ASIC2: variants seen among roughly 807,000 people sequenced by gnomAD.
ASIC2 encodes acid sensing ion channel subunit 2, also known as acid-sensing ion channel 2.
In ASIC2, 25 loss-of-function variants were observed where a neutral mutation model predicts 57.3. The ratio of observed to expected loss-of-function variants is 0.44; its 90% confidence interval spans 0.32 to 0.61. The LOEUF (loss-of-function observed/expected upper bound fraction) is 0.61, where lower values mean the gene tolerates loss of function less well. Ranked by LOEUF, ASIC2 falls within the 20% of genes least tolerant of loss-of-function variation. ASIC2 has a pLI of 0.06. For missense variants in ASIC2, 641 were observed against 738.1 expected, an observed-to-expected ratio of 0.87 and a Z score of 1.52; for synonymous variants, 319 against 307.5, an observed-to-expected ratio of 1.04 and a Z score of -0.39.
intron 1 of ASIC2, among the ~76,000 whole-genome samples, chr17:33,639,632 G>A (rs1302351010): frequency 1.3e-5 from 2 of 151,938 alleles, no homozygotes; most frequent in African/African-American, 4.8e-5. Flanking sequence ...CTGCACCCAT[G>A]TTTCTTCCCA....
chr17:33,640,209 AAGAG>A (rs1157950554), intron 1 of ASIC2, among the ~76,000 whole-genome samples: 4 of 152,046 alleles, frequency 2.6e-5, no homozygotes, highest in Admixed American at 2.6e-4. Context: ...AGAGGCGGGA[AAGAG>A]AGAGAGGAGA....
chr17:33,432,318 C>T (rs1443522215), intron 1 of ASIC2, among the ~76,000 whole-genome samples: 1 of 152,136 alleles, frequency 6.6e-6, no homozygotes, highest in Admixed American at 6.5e-5. Context: ...GATTTCGAGA[C>T]CAGCCTTGGG....
chr17:33,275,573 T>G (rs1001686710), intron 1 of ASIC2, among the ~76,000 whole-genome samples: 1 of 152,204 alleles, frequency 6.6e-6, no homozygotes, highest in Admixed American at 6.5e-5. Flanking sequence ...CTTGCTAGGT[T>G]TGTGACCTTG....
At chr17:33,294,331 G>A (rs182019063), upstream of ASIC2, among the ~76,000 whole-genome samples, 163 of 152,302 alleles carry the variant, frequency 1.1e-3, no homozygotes, top group Non-Finnish European at 1.6e-3. Context: ...TTTGGGGAGA[G>A]GAGGCTTGGG....
chr17:33,747,180 C>T (rs1910293068), intron 1 of ASIC2, among the ~76,000 whole-genome samples: 1 of 150,668 alleles, frequency 6.6e-6, no homozygotes, highest in South Asian at 2.1e-4. Context: ...CTCTGCTCTC[C>T]TGCAGGGCAC....
At chr17:33,975,913 C>A (rs1257124538) in intron 1 of ASIC2, among the ~76,000 whole-genome samples, 2 of 152,030 alleles carry the variant, frequency 1.3e-5, no homozygotes, top group Non-Finnish European at 2.9e-5. Context: ...TTTTACGGTA[C>A]CATGTTGAAG....
chr17:33,114,404 G>A (rs555366936), intron 1 of ASIC2, among the ~76,000 whole-genome samples: 1 of 152,300 alleles, frequency 6.6e-6, no homozygotes, highest in African/African-American at 2.4e-5. Flanking sequence ...ATTCTGGGGT[G>A]CTCCAATAGA....
chr17:33,131,124 C>G (rs113712955), intron 1 of ASIC2, among the ~76,000 whole-genome samples: 173 of 152,200 alleles, frequency 1.1e-3, no homozygotes, highest in African/African-American at 4.0e-3. Flanking sequence ...AAAGGGGAGA[C>G]GAGCCCATGC....
intron 1 of ASIC2, among the ~76,000 whole-genome samples, chr17:33,192,553 C>G (rs978615420): frequency 6.6e-6 from 1 of 152,208 alleles, no homozygotes; most frequent in East Asian, 1.9e-4. Context: ...AGGCAGGGAG[C>G]AAGGAGGTGT....
At chr17:33,767,087 C>G (rs928726624) in intron 1 of ASIC2, among the ~76,000 whole-genome samples, 1 of 152,214 alleles carries the variant, frequency 6.6e-6, no homozygotes, top group Admixed American at 6.5e-5. Flanking sequence ...TCAGTGTGTG[C>G]GATTCAGTGC....
intron 1 of ASIC2, among the ~76,000 whole-genome samples, chr17:33,338,006 G>A (rs559111399): frequency 6.7e-6 from 1 of 150,022 alleles, no homozygotes; most frequent in East Asian, 2.0e-4. Context: ...GGGCAAAGAA[G>A]GTGGAAGTGT....
intron 1 of ASIC2, among the ~76,000 whole-genome samples, chr17:33,554,151 T>C (rs1915834584): frequency 1.3e-5 from 2 of 152,260 alleles, no homozygotes; most frequent in Non-Finnish European, 2.9e-5. Flanking sequence ...GTGATGTTTT[T>C]AACTGCCTTG....
In ASIC2 at chr17:33,854,835, C is replaced by T. The variant is rs571093535; in HGVS notation, c.555+301143G>A. 4.6e-5 allele frequency among the ~76,000 whole-genome samples: 7 copies of T among 152,084 alleles called. No homozygotes were observed. The South Asian group carries it at 1.5e-3, about 32-fold the overall frequency. On this transcript the variant is annotated intron_variant, in intron 1 of 9. Transcript: ENST00000359872. ...AACTTTCCTTGTGGGATTGTCCTTC[C>T]CTGTGGGTGGTGTGTGTTAGCTTGT...
At chr17:33,235,015 G>A (rs73982474) in intron 1 of ASIC2, among the ~76,000 whole-genome samples, 3,689 of 152,128 alleles carry the variant, frequency 0.024, 165 homozygotes, top group African/African-American at 0.082. Context: ...TGCTTCCTTC[G>A]CTCCCTCTCT....
chr17:33,866,678 A>C (rs1419737859), intron 1 of ASIC2, among the ~76,000 whole-genome samples: 1 of 152,148 alleles, frequency 6.6e-6, no homozygotes, highest in Non-Finnish European at 1.5e-5. Context: ...TCCAGGTACC[A>C]ATCGTCCCAT....
chr17:33,262,968 A>G (rs187063324), intron 1 of ASIC2, among the ~76,000 whole-genome samples: 29 of 152,274 alleles, frequency 1.9e-4, no homozygotes, highest in African/African-American at 6.3e-4. Flanking sequence ...CCCAGGGCTA[A>G]TGCAAAAAGA....
chr17:33,864,186 C>T (rs912071792), intron 1 of ASIC2, among the ~76,000 whole-genome samples: 1 of 152,096 alleles, frequency 6.6e-6, no homozygotes, highest in Non-Finnish European at 1.5e-5. Flanking sequence ...GGATTATAGG[C>T]GTGAGCCACC....
intron 1 of ASIC2, among the ~76,000 whole-genome samples, chr17:33,606,199 G>A (rs1172862899): frequency 2.0e-5 from 3 of 152,190 alleles, no homozygotes; most frequent in Non-Finnish European, 4.4e-5. Context: ...AGCTGATTTG[G>A]CCGACAGAAA....
At chr17:33,302,669 C>T (rs1906007596) in intron 1 of ASIC2, among the ~76,000 whole-genome samples, 1 of 152,184 alleles carries the variant, frequency 6.6e-6, no homozygotes, top group Non-Finnish European at 1.5e-5. Flanking sequence ...TTCTCTACTC[C>T]TAGTTTATCT....
Sources: gnomAD v4.1 joint callset for allele counts (sites outside exome capture counted in the v4.1 genomes callset) on GRCh38, gnomAD v4.1.1 for gene constraint, MANE v1.5 for transcripts, NCBI Gene and HGNC (gene_info 2026-07-23, HGNC 2026-07-21) for gene names.